The following CXXC1 variants were observed in gnomAD, a reference collection of about 807,000 sequenced individuals.
CXXC1 encodes the protein CXXC-type zinc finger protein 1.
A neutral mutation model predicts 83.6 loss-of-function variants in CXXC1; 21 were observed. The ratio of observed to expected loss-of-function variants is 0.25; its 90% CI spans 0.18 to 0.36. CXXC1 has a LOEUF of 0.36. Ranked by LOEUF, CXXC1 falls within the 10% of genes least tolerant of loss-of-function variation. CXXC1 has a pLI of 1.00. For missense variants in CXXC1, 688 were observed against 919.5 expected, an observed-to-expected ratio of 0.75 and a Z score of 3.26; for synonymous variants, 371 against 337.5, an observed-to-expected ratio of 1.10 and a Z score of -1.09.
rs2040505988 is a variant in CXXC1 at position 50,282,548 on chromosome 18, TC to T, written c.*44del. On this transcript the variant is annotated 3_prime_UTR_variant, in exon 15 of 15. Coordinates refer to ENST00000285106, the MANE Select transcript of CXXC1 (RefSeq NM_014593.4). This position sits in a 1 kb window ranked among gnomAD's most constrained non-coding sequence, Gnocchi z 5.8. ...AACGGACACACGGGCACCGGGCGGC[TC>T]CCCCATCTGGAATGCAGGGTGTAAG... 6.3e-7 allele frequency: 1 copy of T among 1,595,398 alleles called. No homozygotes were observed.
intron 8 of CXXC1, 40 bp downstream of exon 8, chr18:50,284,692 A>G (rs2040684591): frequency 6.2e-7 from 1 of 1,608,252 alleles, no homozygotes; most frequent in Non-Finnish European, 8.5e-7. Flanking sequence ...CCTCAACCCC[A>G]CCCTCTGCCT....
chr18:50,285,231 G>C lies in CXXC1; in HGVS notation c.683C>G (p.Pro228Arg). The C allele has an allele frequency of 6.2e-7, 1 of 1,614,126 alleles. No homozygotes were observed. Among genetic ancestry groups the C allele is most frequent in the Non-Finnish European group, 8.5e-7 (1 of 1,180,002 alleles). Residue 228 changes from proline (P) to arginine (R), a missense_variant, in exon 7 of 15, where the codon CCC becomes CGC. Around this residue, in one of 9 missense-constraint regions of CXXC1, gnomAD observed 190 missense variants for 199.7 expected, o/e 0.95. Coordinates refer to ENST00000285106, the MANE Select transcript of CXXC1 (RefSeq NM_014593.4). This position sits in a 1 kb window ranked among gnomAD's most constrained non-coding sequence, Gnocchi z 4.4. The stretch of plus-strand genomic sequence containing the variant: ...GCGGGGCCTTGGCAGGGACTCTGAG[G>C]GCGTCACTGGTGAGAGCTGCAGGGC... ...YFPSSLSPVT[P>R]SESLPRPRRP... is the part of the protein sequence containing the mutation.
chr18:50,287,493 G>C, intron 1 of CXXC1, 94 bp downstream of exon 1: 1 of 1,451,016 alleles, frequency 6.9e-7, no homozygotes. Context: ...CTCCGGTTAT[G>C]GCTCACCACA....
rs1254229491 is a variant in CXXC1 at position 50,283,247 on chromosome 18, G to A, written c.1671+18C>T. ...AGGGAGGAGGGGCAAAATGGGAGGA[G>A]CTGAGGGAAAACCTTACTTTGGGGT... On this transcript the variant is annotated intron_variant, in intron 13 of 14. Transcript: ENST00000285106. The A allele has an allele frequency of 6.2e-7, 1 of 1,604,214 alleles. No individual in the cohort carries two copies. Among genetic ancestry groups the A allele is most frequent in the East Asian group, 2.2e-5 (1 of 44,840 alleles).
intron 1 of CXXC1, 91 bp downstream of exon 1, chr18:50,287,496 T>C: frequency 6.8e-7 from 1 of 1,480,668 alleles, no homozygotes; most frequent in Non-Finnish European, 9.4e-7. Flanking sequence ...CGGTTATGGC[T>C]CACCACAGAC....
Position 50,284,990 on chromosome 18 carries a change from C to T in CXXC1, c.912+12G>A. ...TCCACCCTTCCACCAGTGGATGCTC[C>T]TGTCTGCTCACCAGGCCATGGTCAT... is the stretch of plus-strand genomic sequence containing the variant. On this transcript the variant is annotated intron_variant, in intron 7 of 14. Transcript: ENST00000285106. 6.2e-7 allele frequency: 1 copy of T among 1,614,096 alleles called. No individual in the cohort carries two copies. Among genetic ancestry groups the T allele is most frequent in the Non-Finnish European group, 8.5e-7 (1 of 1,179,942 alleles).
Position 50,286,725 on chromosome 18 carries a change from C to T in CXXC1, c.122+15G>A. On this transcript the variant is annotated intron_variant, in intron 2 of 14. Transcript: ENST00000285106. Reference sequence around the variant, plus strand: ...CCCTGCCAGTGTCAGCCCCGCCCATCTCTCCCGCGCTCACATCATGAAGCA... The same window carrying T: ...CCCTGCCAGTGTCAGCCCCGCCCATTTCTCCCGCGCTCACATCATGAAGCA... 6 of 1,611,754 alleles carry T rather than the reference C, an allele frequency of 3.7e-6. No homozygotes were observed. Among genetic ancestry groups the T allele is most frequent in the Non-Finnish European group, 4.2e-6 (5 of 1,177,786 alleles).
chr18:50,284,370 T>C lies in CXXC1; in HGVS notation c.1205+8A>G. The C allele has an allele frequency of 1.3e-6, 2 of 1,534,434 alleles. No individual in the cohort carries two copies. The highest frequency in any genetic ancestry group is 1.7e-6 in the Non-Finnish European group (2 of 1,144,564). On this transcript the variant is annotated splice_region_variant and intron_variant, in intron 9 of 14. Transcript: ENST00000285106. ...CTGACTCCCTTGAACCTCTCAGGAA[T>C]GACTCACTTGGCTGCCAGCTTCATG...
chr18:50,286,178 C>T lies in CXXC1; in HGVS notation c.303G>A (p.Glu101=). Residue 101 remains glutamate (E), a synonymous_variant, in exon 4 of 15, where the codon GAG becomes GAA. Coordinates refer to ENST00000285106, the MANE Select transcript of CXXC1 (RefSeq NM_014593.4). ...TGCGCCCTCCACCCTCATCCCGGGG[C>T]TCACTGCTGTCCCGCTCATTGCCAT... ...ERDGNERDSS[E]PRDEGGGRKR... 1.2e-6 allele frequency: 2 copies of T among 1,613,916 alleles called. No homozygotes were observed. The highest frequency in any genetic ancestry group is 1.3e-5 in the African/African-American group (1 of 75,034).
At chr18:50,286,467 T>G in intron 3 of CXXC1, 72 bp downstream of exon 3, 1 of 1,303,200 alleles carries the variant, frequency 7.7e-7, no homozygotes, top group Non-Finnish European at 1.1e-6. Context: ...CTAATCCCCA[T>G]AACCCCCCCT....
rs1368345043 is a variant in CXXC1, at chr18:50,285,859, G to A, written c.529C>T (p.Arg177Cys). 3 of 1,614,040 alleles carry A rather than the reference G, an allele frequency of 1.9e-6. No homozygotes were observed. Among genetic ancestry groups the A allele is most frequent in the Non-Finnish European group, 8.5e-7 (1 of 1,180,032 alleles). ...RMCGECEACR[R>C]TEDCGHCDFC... ...TCACAGTGACCACAGTCCTCAGTGCGCCGACATGCCTCACACTCACCACAC... is the reference window on the plus strand; with the variant it reads ...TCACAGTGACCACAGTCCTCAGTGCACCGACATGCCTCACACTCACCACAC... The change falls in exon 5 of 15, where the codon CGC becomes TGC. Residue 177 changes from arginine to cysteine, a missense_variant. Arg to Cys is a radical substitution (Grantham distance 180). Transcript: ENST00000285106. This position sits in a 1 kb window ranked among gnomAD's most constrained non-coding sequence, Gnocchi z 4.4.
At chr18:50,284,306 A>T (rs556523296) in intron 9 of CXXC1, 72 bp downstream of exon 9, 1 of 1,518,656 alleles carries the variant, frequency 6.6e-7, no homozygotes, top group African/African-American at 1.4e-5. Context: ...TGACTGGTAG[A>T]CATACAGAAG....
chr18:50,282,543 G>A lies in CXXC1; in HGVS notation c.*50C>T, dbSNP rs199820431. On this transcript the variant is annotated 3_prime_UTR_variant, in exon 15 of 15. Transcript: ENST00000285106. The surrounding 1 kb of genome is among the most constrained non-coding windows in gnomAD (Gnocchi z 5.8). ...GGAGGAACGGACACACGGGCACCGG[G>A]CGGCTCCCCCATCTGGAATGCAGGG... The A allele has an allele frequency of 1.9e-6, 3 of 1,594,018 alleles. No individual in the cohort carries two copies. The highest frequency in any genetic ancestry group is 2.6e-6 in the Non-Finnish European group (3 of 1,175,642).
chr18:50,284,592 G>A lies in CXXC1; in HGVS notation c.1021-30C>T, dbSNP rs375803061. 9 of 1,582,482 alleles carry A rather than the reference G, an allele frequency of 5.7e-6. No individual in the cohort carries two copies. The African/African-American group carries it at 1.2e-4, about 21-fold the overall frequency. ...TGAGCAAGACAAGTCAGGTCAGGGT[G>A]GAGTCAAAGTCAGCCCCAGACCCCA... On this transcript the variant is annotated intron_variant, in intron 8 of 14. Transcript: ENST00000285106.
chr18:50,283,500 G>GTCA lies in CXXC1; in HGVS notation c.1574+14_1574+15insTGA. On this transcript the variant is annotated intron_variant, in intron 12 of 14. Transcript: ENST00000285106. ...CTTAACCCCCCACCTCTCACTGCGTGGCACCCTCACTTACCCTTCAATGCG... is the reference window on the plus strand; with the variant it reads ...CTTAACCCCCCACCTCTCACTGCGTGTCAGCACCCTCACTTACCCTTCAATGCG... The GTCA allele has an allele frequency of 1.2e-6, 2 of 1,612,908 alleles. No homozygotes were observed. The highest frequency in any genetic ancestry group is 1.7e-6 in the Non-Finnish European group (2 of 1,179,682).
In CXXC1 at chr18:50,287,665, C is replaced by T. The variant is rs2040737430; in HGVS notation, c.-76G>A. 4.4e-6 allele frequency: 7 copies of T among 1,591,116 alleles called. No homozygotes were observed. Among genetic ancestry groups the T allele is most frequent in the Non-Finnish European group, 6.0e-6 (7 of 1,171,558 alleles). ...CCTGCACAGACCACTCGGCGGCGTC[C>T]CAGGCGGTTGCAAAGGCGCCCACAA... On this transcript the variant is annotated 5_prime_UTR_variant, in exon 1 of 15. Transcript: ENST00000285106.
In CXXC1 at chr18:50,282,568, G is replaced by C; in HGVS notation, c.*25C>G. 1 of 1,602,958 alleles carries C rather than the reference G, an allele frequency of 6.2e-7. No homozygotes were observed. Among genetic ancestry groups the C allele is most frequent in the Non-Finnish European group, 8.5e-7 (1 of 1,179,806 alleles). ...GCGGCTCCCCCATCTGGAATGCAGG[G>C]TGTAAGGGGTCCGGGCCAGGAGGCT... On this transcript the variant is annotated 3_prime_UTR_variant, in exon 15 of 15. Transcript: ENST00000285106. This position sits in a 1 kb window ranked among gnomAD's most constrained non-coding sequence, Gnocchi z 5.8.
intron 13 of CXXC1, 127 bp downstream of exon 13, chr18:50,283,138 G>A (rs2040601101): frequency 4.7e-6 from 6 of 1,276,418 alleles, no homozygotes; most frequent in Admixed American, 1.7e-5. Flanking sequence ...GAGGAATGGA[G>A]GGTGAAGCAG....
At chr18:50,287,333 C>T (rs2040730991) in intron 1 of CXXC1, 4 of 569,916 alleles carry the variant, frequency 7.0e-6, no homozygotes, top group South Asian at 6.4e-5. Flanking sequence ...TATCCCTCTG[C>T]CCTAAGAACC....
Sources: gnomAD v4.1 joint callset for allele counts on GRCh38, gnomAD v4.1.1 for gene constraint, gnomAD v4.1.1 regional missense constraint, Gnocchi (gnomAD v3.1) non-coding constraint, MANE v1.5 for transcripts, NCBI Gene and HGNC (gene_info 2026-07-23, HGNC 2026-07-21) for gene names.